Variants in ARMH1 observed in about 807,000 individuals in gnomAD.
ARMH1 encodes armadillo like helical domain containing 1, also known as armadillo-like helical domain containing protein 1.
In ARMH1, 34 loss-of-function variants were observed where a neutral mutation model predicts 50.2. The ratio of observed to expected loss-of-function variants is 0.68; its 90% CI spans 0.51 to 0.90. The LOEUF is 0.90. Among genes scored for constraint, ARMH1 ranks in the 40% least tolerant of loss-of-function variants. ARMH1 has a pLI of 0.00. For synonymous variants in ARMH1, 221 were observed against 224.2 expected, an observed-to-expected ratio of 0.99 and a Z score of 0.13; for missense variants, 538 against 553.9, an observed-to-expected ratio of 0.97 and a Z score of 0.29.
rs189023297 is a variant in ARMH1, at chr1:44,698,180, T to C, written c.393T>C (p.Val131=). ...AGGAATCTGTCAAACTACTTCAGGT[T>C]ATTGCGAACTCTGGCAGGACATACA... The part of the protein sequence containing the change: ...AKKESVKLLQ[V]IANSGRTYKE... Residue 131 remains valine, a synonymous_variant, in exon 4 of 12, where the codon GTT becomes GTC. Transcript: ENST00000535358. 2 of 1,552,346 alleles carry C rather than the reference T, an allele frequency of 1.3e-6. No homozygotes were observed. Among genetic ancestry groups the C allele is most frequent in the East Asian group, 2.4e-5 (1 of 40,924 alleles).
chr1:44,716,265 C>T (rs1222844389), intron 6 of ARMH1, among the ~76,000 whole-genome samples: 1 of 152,188 alleles, frequency 6.6e-6, no homozygotes, highest in Non-Finnish European at 1.5e-5. Context: ...ACCTTGATGA[C>T]AGAAACAATA....
chr1:44,710,177 C>T (rs1450518916), intron 6 of ARMH1, among the ~76,000 whole-genome samples: 8 of 152,158 alleles, frequency 5.3e-5, no homozygotes, highest in Non-Finnish European at 7.3e-5. Context: ...GCTTTGAATG[C>T]GTGACACCTC....
chr1:44,699,156 C>T (rs1332401392), intron 4 of ARMH1, among the ~76,000 whole-genome samples: 1 of 151,774 alleles, frequency 6.6e-6, no homozygotes, highest in Non-Finnish European at 1.5e-5. Context: ...TGGTGGCACG[C>T]ACCTGTAATG....
In ARMH1 at chr1:44,724,097, C is replaced by T. The variant is rs1048774318; in HGVS notation, c.725-25C>T. 1.9e-6 allele frequency: 3 copies of T among 1,548,948 alleles called. No homozygotes were observed. The African/African-American group carries it at 4.1e-5, about 21-fold the overall frequency. ...GGTGGCGGAGGGGCCTGGGGCCTCT[C>T]TCCAGCACCTCTGCCCTTCCGCAGC... On this transcript the variant is annotated intron_variant, in intron 6 of 11. Transcript: ENST00000535358. This position sits in a 1 kb window ranked among gnomAD's most constrained non-coding sequence, Gnocchi z 6.4.
chr1:44,714,677 T>C (rs887451200), intron 6 of ARMH1, among the ~76,000 whole-genome samples: 1 of 152,056 alleles, frequency 6.6e-6, no homozygotes, highest in Admixed American at 6.5e-5. Context: ...GGTCTCTTCC[T>C]TTTTTCTTGA....
In ARMH1 at chr1:44,693,576, G is replaced by A. The variant is rs180772945; in HGVS notation, c.207-3526G>A. On this transcript the variant is annotated intron_variant, in intron 2 of 11. Transcript: ENST00000535358. ...CCATCCTCCCACCTCAACCTCCCAA[G>A]TGGCTGGGACTATAGGCATGCACCA... 3.7e-3 allele frequency among the ~76,000 whole-genome samples: 567 copies of A among 152,100 alleles called. 15 individuals carry two copies. The highest frequency in any genetic ancestry group is 0.034 in the Admixed American group (518 of 15,266).
Position 44,725,508 on chromosome 1 carries a change from G to T in ARMH1, c.*105G>T, listed in dbSNP as rs890313513. On this transcript the variant is annotated 3_prime_UTR_variant, in exon 12 of 12. Coordinates refer to ENST00000535358, the MANE Select transcript of ARMH1 (RefSeq NM_001145636.2). ...CAGAGCCACTCCACTTGGCTCCAGG[G>T]GGGAGACGGGGATTAGGCATCCCAG... 4.4e-5 allele frequency: 50 copies of T among 1,126,124 alleles called. 2 individuals are homozygous for T. In the South Asian group the frequency reaches 6.5e-4, roughly 15 times the overall value. The allele number at this position is 1,126,124 out of a possible 1,614,324, so 69.8% of individuals were successfully genotyped here.
intron 6 of ARMH1, among the ~76,000 whole-genome samples, chr1:44,716,271 C>A (rs1370777146): frequency 2.0e-5 from 3 of 152,160 alleles, no homozygotes; most frequent in Non-Finnish European, 4.4e-5. Flanking sequence ...ATGACAGAAA[C>A]AATAGTCGCT....
At chr1:44,694,533 A>C (rs1426653047) in intron 2 of ARMH1, among the ~76,000 whole-genome samples, 2 of 139,062 alleles carry the variant, frequency 1.4e-5, no homozygotes, top group Admixed American at 7.4e-5. Context: ...TTTTTGAGAC[A>C]GAGTCTCACT....
chr1:44,718,059 AG>A (rs1308475330), intron 6 of ARMH1, among the ~76,000 whole-genome samples: 1 of 152,248 alleles, frequency 6.6e-6, no homozygotes, highest in Non-Finnish European at 1.5e-5. Flanking sequence ...ATTTAGGTAA[AG>A]TGAATAGTCA....
chr1:44,685,817 G>A (rs541567794), intron 1 of ARMH1, among the ~76,000 whole-genome samples: 11 of 151,976 alleles, frequency 7.2e-5, no homozygotes, highest in Middle Eastern at 3.4e-3. Flanking sequence ...TAGTAGAGAC[G>A]GGGTTTCACC....
chr1:44,701,807 T>C (rs1646094724), intron 5 of ARMH1, among the ~76,000 whole-genome samples: 1 of 151,878 alleles, frequency 6.6e-6, no homozygotes, highest in African/African-American at 2.4e-5. Context: ...TGCACACCTG[T>C]AATCCCAGCT....
At position 44,724,659 on chromosome 1, in the gene ARMH1, C is replaced by T; in HGVS notation, c.1041C>T (p.Leu347=). ...DHSNSQRLAS[L]TLECFVQMFP... Reference sequence around the variant, plus strand: ...GCAACAGCCAGCGGCTGGCCAGCCTCACGCTGGAGGTGCGCGCGGCGGCTG... The same window carrying T: ...GCAACAGCCAGCGGCTGGCCAGCCTTACGCTGGAGGTGCGCGCGGCGGCTG... Residue 347 remains leucine (L), a synonymous_variant, in exon 9 of 12, where the codon CTC becomes CTT. Coordinates refer to ENST00000535358, the MANE Select transcript of ARMH1 (RefSeq NM_001145636.2). This position sits in a 1 kb window ranked among gnomAD's most constrained non-coding sequence, Gnocchi z 6.4. The T allele has an allele frequency of 6.7e-7, 1 of 1,498,846 alleles. No homozygotes were observed. The highest frequency in any genetic ancestry group is 1.2e-5 in the South Asian group (1 of 80,068). 92.8% of individuals were successfully genotyped at this position (1,498,846 alleles called of 1,614,324 possible).
chr1:44,692,943 A>G (rs943165529), intron 2 of ARMH1: 11 of 152,350 alleles, frequency 7.2e-5, no homozygotes, highest in Admixed American at 1.3e-4. Context: ...GGGTCTTGCT[A>G]TGTTGCCCAA....
chr1:44,686,469 A>C (rs902052211), intron 1 of ARMH1, among the ~76,000 whole-genome samples: 6 of 152,188 alleles, frequency 3.9e-5, no homozygotes, highest in African/African-American at 1.4e-4. Context: ...TGAGCTCAGG[A>C]GTTTGAGACA....
chr1:44,691,711 A>C (rs1474628278), intron 2 of ARMH1, among the ~76,000 whole-genome samples: 1 of 152,194 alleles, frequency 6.6e-6, no homozygotes, highest in Non-Finnish European at 1.5e-5. Flanking sequence ...TCTCTCTTGA[A>C]TCTGAGTTCC....
intron 6 of ARMH1, among the ~76,000 whole-genome samples, chr1:44,721,311 A>T (rs1478677659): frequency 6.6e-6 from 1 of 152,132 alleles, no homozygotes; most frequent in Non-Finnish European, 1.5e-5. Flanking sequence ...AAACAAAAGA[A>T]AACTATCTCT....
chr1:44,723,149 G>C (rs1647641220), intron 6 of ARMH1, among the ~76,000 whole-genome samples: 1 of 151,330 alleles, frequency 6.6e-6, no homozygotes, highest in Admixed American at 6.6e-5. Flanking sequence ...GCCCCCTCTA[G>C]CTCTGTGGTT....
Position 44,689,802 on chromosome 1 carries a change from C to A in ARMH1, c.105C>A (p.Phe35Leu). The A allele has an allele frequency of 6.4e-7, 1 of 1,551,812 alleles. No homozygotes were observed. The highest frequency in any genetic ancestry group is 2.4e-5 in the East Asian group (1 of 40,916). The change falls in exon 2 of 12, where the codon TTC (phenylalanine) becomes TTA (leucine). Residue 35 changes from phenylalanine to leucine, a missense_variant. Phe to Leu is a conservative substitution (Grantham distance 22). Transcript: ENST00000535358. ...CAAGGAGTCACATCCTCGACAAGTTCATTGAAACCAACCAAGGCAAGACTG... is the reference window on the plus strand; with the variant it reads ...CAAGGAGTCACATCCTCGACAAGTTAATTGAAACCAACCAAGGCAAGACTG... ...KVARSHILDK[F>L]IETNQGKTAP...
Sources: gnomAD v4.1 joint callset for allele counts (sites outside exome capture counted in the v4.1 genomes callset) on GRCh38, gnomAD v4.1.1 for gene constraint, Gnocchi (gnomAD v3.1) non-coding constraint, MANE v1.5 for transcripts, NCBI Gene and HGNC (gene_info 2026-07-23, HGNC 2026-07-21) for gene names.